DIAPH3: variants seen among roughly 807,000 people sequenced by gnomAD.
DIAPH3 encodes the protein protein diaphanous homolog 3.
DIAPH3 carries 117 observed loss-of-function variants against 144.3 expected under a neutral mutation model. The observed-to-expected ratio is 0.81, with a 90% CI of 0.70 to 0.95. DIAPH3 has a LOEUF of 0.95. Ranked by LOEUF, DIAPH3 falls within the 40% of genes least tolerant of loss-of-function variation. The pLI is 0.00. For synonymous variants in DIAPH3, 519 were observed against 488.9 expected (o/e 1.06, Z -0.81); for missense variants, 1,421 against 1,412.7 (o/e 1.01, Z -0.09).
chr13:59,751,283 T>C (rs560667762), intron 27 of DIAPH3, among the ~76,000 whole-genome samples: 1 of 152,382 alleles, frequency 6.6e-6, no homozygotes, highest in African/African-American at 2.4e-5. Flanking sequence ...GGCTCTCGCT[T>C]CATGGCACAA....
intron 2 of DIAPH3, among the ~76,000 whole-genome samples, chr13:60,115,621 C>T (rs1416318814): frequency 6.6e-6 from 1 of 152,042 alleles, no homozygotes; most frequent in Non-Finnish European, 1.5e-5. Flanking sequence ...GCAAACGGCA[C>T]CATCTTTAGT....
At chr13:59,971,670 G>C (rs1382818432) in intron 15 of DIAPH3, among the ~76,000 whole-genome samples, 3 of 152,172 alleles carry the variant, frequency 2.0e-5, no homozygotes, top group Non-Finnish European at 4.4e-5. Context: ...CTTCTCAATG[G>C]TGTCCTAATG....
chr13:59,844,218 A>G (rs2042499664), intron 22 of DIAPH3, among the ~76,000 whole-genome samples: 1 of 152,008 alleles, frequency 6.6e-6, no homozygotes, highest in African/African-American at 2.4e-5. Flanking sequence ...CATTTTTCAC[A>G]TGTATCAGGT....
chr13:60,008,727 G>A, intron 8 of DIAPH3, 78 bp from the exon 9 acceptor site: 1 of 903,658 alleles, frequency 1.1e-6, no homozygotes, highest in Non-Finnish European at 1.9e-6. Flanking sequence ...TCCTACTAAA[G>A]AAGTCAATAC....
chr13:59,934,305 T>A (rs1282392633), intron 17 of DIAPH3, among the ~76,000 whole-genome samples: 2 of 152,172 alleles, frequency 1.3e-5, no homozygotes. Flanking sequence ...ATAGATATTA[T>A]TAAATTTTAC....
At chr13:59,698,331 T>C (rs2033928264) in intron 27 of DIAPH3, among the ~76,000 whole-genome samples, 1 of 152,202 alleles carries the variant, frequency 6.6e-6, no homozygotes, top group South Asian at 2.1e-4. Flanking sequence ...TGTGGTAAAC[T>C]GATCTTCTCA....
chr13:59,890,630 T>C (rs540849874), intron 20 of DIAPH3, among the ~76,000 whole-genome samples: 1 of 151,920 alleles, frequency 6.6e-6, no homozygotes, highest in South Asian at 2.1e-4. Flanking sequence ...GCTGTCCACA[T>C]ACTGCTTCAC....
Position 60,083,745 on chromosome 13 carries a change from AT to A in DIAPH3, c.495+9882del, listed in dbSNP as rs1343271504. Among the ~76,000 whole-genome samples, 3 of 152,198 alleles carry A rather than the reference AT, an allele frequency of 2.0e-5. No homozygotes were observed. In the East Asian group the frequency reaches 5.8e-4, roughly 29 times the overall value. On this transcript the variant is annotated intron_variant, in intron 4 of 27. Transcript: ENST00000400324. Reference sequence around the variant, plus strand: ...CCAAGGGACTCCCTCTCAAAAAAAAATTTTAAATAAAGACCAAGCACGGTGG... The same window carrying A: ...CCAAGGGACTCCCTCTCAAAAAAAAATTTAAATAAAGACCAAGCACGGTGG...
chr13:59,931,085 C>T (rs1044735607), intron 17 of DIAPH3, among the ~76,000 whole-genome samples: 2 of 152,156 alleles, frequency 1.3e-5, no homozygotes, highest in Non-Finnish European at 2.9e-5. Context: ...TCTGCTCTCC[C>T]AACTATTTTC....
rs376820796 is a variant in DIAPH3, at chr13:60,063,919, A to G, written c.496-21099T>C. On this transcript the variant is annotated intron_variant, in intron 4 of 27. Transcript: ENST00000400324. ...ACTCCAGCCTGAGCAATAAGAGCAAACCCCCAACTCAAAAAAAAAAGACAT... is the reference window on the plus strand; with the variant it reads ...ACTCCAGCCTGAGCAATAAGAGCAAGCCCCCAACTCAAAAAAAAAAGACAT... Among the ~76,000 whole-genome samples, 28 of 151,176 alleles carry G rather than the reference A, an allele frequency of 1.9e-4. No individual in the cohort carries two copies. In the East Asian group the frequency reaches 3.3e-3, roughly 18 times the overall value.
At chr13:59,686,184 A>C (rs2033200251) in intron 27 of DIAPH3, among the ~76,000 whole-genome samples, 1 of 152,124 alleles carries the variant, frequency 6.6e-6, no homozygotes, top group African/African-American at 2.4e-5. Flanking sequence ...AGGAGAAAGA[A>C]GTAGATAAAC....
At chr13:59,741,857 T>C (rs1453482891) in intron 27 of DIAPH3, among the ~76,000 whole-genome samples, 1 of 152,166 alleles carries the variant, frequency 6.6e-6, no homozygotes, top group East Asian at 1.9e-4. Flanking sequence ...TATTGCATGG[T>C]TCATGACTGA....
rs200597459 is a variant in DIAPH3 at position 59,802,661 on chromosome 13, A to AT, written c.3163+8126dup. ...ATTGATCTATATTATTATTATTATT[A>AT]TTATTATTTTTTTTTTTTTTTTTTT... On this transcript the variant is annotated intron_variant, in intron 25 of 27. Transcript: ENST00000400324. Among the ~76,000 whole-genome samples, 132 of 26,124 alleles carry AT rather than the reference A, an allele frequency of 5.1e-3. 3 individuals are homozygous for AT. The highest frequency in any genetic ancestry group is 0.014 in the East Asian group (14 of 990). The allele number at this position is 26,124 out of a possible 152,430, so 17.1% of individuals were successfully genotyped here.
chr13:59,806,700 T>C (rs1243513908), intron 25 of DIAPH3, among the ~76,000 whole-genome samples: 1 of 151,932 alleles, frequency 6.6e-6, no homozygotes, highest in African/African-American at 2.4e-5. Flanking sequence ...TTCTTATTTA[T>C]CACTGTAATC....
At chr13:59,763,032 T>C (rs1027839728) in intron 27 of DIAPH3, among the ~76,000 whole-genome samples, 3 of 152,054 alleles carry the variant, frequency 2.0e-5, no homozygotes, top group South Asian at 2.1e-4. Flanking sequence ...GCCAATAAAC[T>C]TCTGTTCATA....
chr13:60,003,735 G>C (rs939985432), intron 9 of DIAPH3, among the ~76,000 whole-genome samples: 1 of 151,748 alleles, frequency 6.6e-6, no homozygotes, highest in Non-Finnish European at 1.5e-5. Flanking sequence ...CAACACGCAA[G>C]GCAATTTTTT....
intron 25 of DIAPH3, among the ~76,000 whole-genome samples, chr13:59,805,592 T>C (rs138502413): frequency 0.01 from 1,521 of 151,966 alleles, 11 homozygotes; most frequent in South Asian, 0.032. Flanking sequence ...ATCATGAAAA[T>C]GTAACTTGCT....
At chr13:59,981,007 G>A in intron 13 of DIAPH3, 148 bp from the exon 14 acceptor site, 8 of 648,106 alleles carry the variant, frequency 1.2e-5, no homozygotes, top group South Asian at 4.3e-5. Flanking sequence ...TTATAATGTT[G>A]GAATGAAAAA....
intron 22 of DIAPH3, among the ~76,000 whole-genome samples, chr13:59,844,245 C>T (rs948449158): frequency 1.3e-5 from 2 of 151,980 alleles, no homozygotes; most frequent in South Asian, 2.1e-4. Context: ...AGGTCAGGAA[C>T]TATATTTTAT....
Sources: gnomAD v4.1 joint callset for allele counts (sites outside exome capture counted in the v4.1 genomes callset) on GRCh38, gnomAD v4.1.1 for gene constraint, MANE v1.5 for transcripts, NCBI Gene and HGNC (gene_info 2026-07-23, HGNC 2026-07-21) for gene names.